CPED1: variants seen among roughly 807,000 people sequenced by gnomAD.
The protein encoded by CPED1 is cadherin like and PC-esterase domain containing 1.
In CPED1, 114 loss-of-function variants were observed where a neutral mutation model predicts 128.2. The observed-to-expected ratio is 0.89, with a 90% CI of 0.76 to 1.04. The LOEUF (loss-of-function observed/expected upper bound fraction) is 1.04, where lower values mean the gene tolerates loss of function less well. Ranked by LOEUF, CPED1 falls within the 50% of genes least tolerant of loss-of-function variation. The probability of loss-of-function intolerance (pLI) is 0.00; values close to 1 mark genes in which losing one functional copy is unlikely to be tolerated. For missense variants in CPED1, 1,211 were observed against 1,207.1 expected (o/e 1.00, Z -0.05); for synonymous variants, 462 against 426.7 (o/e 1.08, Z -1.02).
chr7:121,181,132 T>C (rs1248425871), intron 16 of CPED1, among the ~76,000 whole-genome samples: 1 of 152,110 alleles, frequency 6.6e-6, no homozygotes, highest in Non-Finnish European at 1.5e-5. Context: ...TATTGTGTTT[T>C]TGTGTGAGAG....
intron 7 of CPED1, among the ~76,000 whole-genome samples, chr7:121,117,060 TTATATATATATACACATTATATATATA>T (rs1795258687): frequency 7.8e-6 from 1 of 128,902 alleles, no homozygotes; most frequent in African/African-American, 2.9e-5. Flanking sequence ...TACACACATT[TTATATATATATACACATTATATATATA>T]TATATATATA....
chr7:121,174,996 T>A (rs1796743481), intron 16 of CPED1, among the ~76,000 whole-genome samples: 1 of 152,096 alleles, frequency 6.6e-6, no homozygotes, highest in South Asian at 2.1e-4. Flanking sequence ...TGAATGCGAT[T>A]GTGCTCCTGA....
At chr7:121,261,860 T>A in intron 18 of CPED1, 1 of 745,954 alleles carries the variant, frequency 1.3e-6, no homozygotes, top group South Asian at 1.7e-5. Flanking sequence ...ACAGGGACTA[T>A]GCAACCAAGA....
chr7:121,051,235 C>T (rs1294391870), intron 4 of CPED1: 1 of 475,336 alleles, frequency 2.1e-6, no homozygotes, highest in Non-Finnish European at 4.2e-6. Context: ...TACCAGCAGT[C>T]CCTGACTCCC....
chr7:121,122,477 CAT>C (rs77625026), intron 7 of CPED1, among the ~76,000 whole-genome samples: 2,090 of 152,268 alleles, frequency 0.014, 31 homozygotes, highest in Non-Finnish European at 0.021. Flanking sequence ...AAGGAGCTGA[CAT>C]GTACTGAATA....
intron 4 of CPED1, among the ~76,000 whole-genome samples, chr7:121,047,970 T>C (rs1001147321): frequency 5.3e-5 from 8 of 152,082 alleles, no homozygotes; most frequent in Admixed American, 4.6e-4. Context: ...CCTCCCAAAC[T>C]GCTGGGGATA....
intron 16 of CPED1, among the ~76,000 whole-genome samples, chr7:121,228,790 A>G (rs527310752): frequency 2.0e-5 from 3 of 152,106 alleles, no homozygotes; most frequent in Admixed American, 1.3e-4. Context: ...AACATGGACC[A>G]TTACTTGGCC....
Position 121,250,483 on chromosome 7 carries a change from G to C in CPED1, c.2310+6145G>C, listed in dbSNP as rs555851657. On this transcript the variant is annotated intron_variant, in intron 18 of 22. Coordinates refer to ENST00000310396, the MANE Select transcript of CPED1 (RefSeq NM_024913.5). ...AAATAACTAAGATCAGAGCAGAACT[G>C]AAGGAAATAGAGACACAAAAAACCC... 7.9e-5 allele frequency among the ~76,000 whole-genome samples: 12 copies of C among 152,164 alleles called. No homozygotes were observed. The East Asian group carries it at 2.1e-3, about 27-fold the overall frequency.
intron 2 of CPED1, among the ~76,000 whole-genome samples, chr7:120,997,483 T>A (rs1401954873): frequency 1.3e-5 from 2 of 152,074 alleles, no homozygotes; most frequent in Non-Finnish European, 2.9e-5. Context: ...GTGTACCCCA[T>A]CCCTGAAAAG....
chr7:121,110,483 T>G (rs1795083324), intron 7 of CPED1, among the ~76,000 whole-genome samples: 1 of 152,166 alleles, frequency 6.6e-6, no homozygotes, highest in Non-Finnish European at 1.5e-5. Context: ...AGGTGATATC[T>G]GAGCTATAAT....
intron 6 of CPED1, 84 bp downstream of exon 6, chr7:121,097,915 G>GC: frequency 7.5e-7 from 1 of 1,334,556 alleles, no homozygotes; most frequent in South Asian, 1.5e-5. Flanking sequence ...CAGATATGGG[G>GC]GGTTCACATG....
At chr7:121,128,257 A>G in intron 10 of CPED1, 125 bp from the exon 11 acceptor site, 1 of 618,392 alleles carries the variant, frequency 1.6e-6, no homozygotes. Context: ...GTATTATTTA[A>G]CATTAATTAG....
intron 7 of CPED1, among the ~76,000 whole-genome samples, chr7:121,118,915 C>T (rs976391922): frequency 7.2e-5 from 11 of 152,134 alleles, no homozygotes; most frequent in African/African-American, 2.7e-4. Flanking sequence ...ACGAGGGATC[C>T]GCCCCCATGA....
intron 16 of CPED1, among the ~76,000 whole-genome samples, chr7:121,167,876 C>T (rs574460406): frequency 2.0e-5 from 3 of 151,962 alleles, no homozygotes; most frequent in South Asian, 2.1e-4. Flanking sequence ...GGACTACAGG[C>T]GCCTGCCACC....
At chr7:121,241,139 C>A (rs1335879163) in intron 17 of CPED1, among the ~76,000 whole-genome samples, 1 of 54,350 alleles carries the variant, frequency 1.8e-5, no homozygotes, top group Non-Finnish European at 4.3e-5. Context: ...GTCAGGAGAT[C>A]GAGACCATCC....
At chr7:121,265,484 A>C (rs1187184387) in intron 18 of CPED1, among the ~76,000 whole-genome samples, 1 of 152,150 alleles carries the variant, frequency 6.6e-6, no homozygotes, top group Non-Finnish European at 1.5e-5. Context: ...GTAAGAAACA[A>C]GGAACCAGTA....
intron 18 of CPED1, among the ~76,000 whole-genome samples, chr7:121,253,247 G>T (rs1247115881): frequency 6.9e-6 from 1 of 144,998 alleles, no homozygotes; most frequent in Non-Finnish European, 1.5e-5. Context: ...TCACTCATAG[G>T]TGGGAATTGA....
intron 16 of CPED1, among the ~76,000 whole-genome samples, chr7:121,173,313 T>C (rs1796697242): frequency 6.6e-6 from 1 of 152,138 alleles, no homozygotes; most frequent in Non-Finnish European, 1.5e-5. Context: ...GGTAAATTTG[T>C]GTCACAGGGA....
At chr7:121,041,991 A>T (rs913438065) in intron 3 of CPED1, among the ~76,000 whole-genome samples, 1 of 152,020 alleles carries the variant, frequency 6.6e-6, no homozygotes, top group Non-Finnish European at 1.5e-5. Context: ...GGTTTTTCAC[A>T]TTCTGAGATG....
Sources: gnomAD v4.1 joint callset for allele counts (sites outside exome capture counted in the v4.1 genomes callset) on GRCh38, gnomAD v4.1.1 for gene constraint, MANE v1.5 for transcripts, NCBI Gene and HGNC (gene_info 2026-07-23, HGNC 2026-07-21) for gene names.